Variants in KCNIP4 observed in about 807,000 individuals in gnomAD.
The protein encoded by KCNIP4 is potassium voltage-gated channel interacting protein 4.
In KCNIP4, 12 loss-of-function variants were observed where a neutral mutation model predicts 34.0. That is an observed-to-expected ratio of 0.35 (90% CI 0.23 to 0.57). KCNIP4 has a LOEUF of 0.57. Ranked by LOEUF, KCNIP4 falls within the 20% of genes least tolerant of loss-of-function variation. The probability of loss-of-function intolerance (pLI) is 0.83; values close to 1 mark genes in which losing one functional copy is unlikely to be tolerated. For missense variants in KCNIP4, 238 were observed against 311.7 expected (o/e 0.76, Z 1.78); for synonymous variants, 124 against 102.2 (o/e 1.21, Z -1.29).
At chr4:21,095,957 T>C (rs762301136) in intron 1 of KCNIP4, among the ~76,000 whole-genome samples, 8 of 152,192 alleles carry the variant, frequency 5.3e-5, no homozygotes, top group Non-Finnish European at 1.2e-4. Context: ...CAAATCCTAA[T>C]ACATAATGTA....
At chr4:21,345,600 G>A (rs151053065) in intron 1 of KCNIP4, among the ~76,000 whole-genome samples, 4 of 152,216 alleles carry the variant, frequency 2.6e-5, no homozygotes, top group East Asian at 1.9e-4. Flanking sequence ...AATTAGAGCT[G>A]TAGAAATAAG....
intron 1 of KCNIP4, among the ~76,000 whole-genome samples, chr4:20,937,222 CTTTTTTTTTTTTTTT>C (rs397992488): frequency 2.2e-5 from 1 of 45,524 alleles, no homozygotes; most frequent in Non-Finnish European, 4.3e-5. Context: ...CCCAAGGAGT[CTTTTTTTTTTTTTTT>C]TTTTTTTTTT....
intron 1 of KCNIP4, among the ~76,000 whole-genome samples, chr4:21,460,432 C>A (rs1014608544): frequency 6.6e-6 from 1 of 151,974 alleles, no homozygotes; most frequent in African/African-American, 2.4e-5. Context: ...ATTGCCATAC[C>A]GAAATACCAT....
At chr4:21,470,525 C>T (rs531528083) in intron 1 of KCNIP4, among the ~76,000 whole-genome samples, 1 of 152,262 alleles carries the variant, frequency 6.6e-6, no homozygotes, top group East Asian at 1.9e-4. Flanking sequence ...AGGTTGTGTA[C>T]AGTGCAGCCA....
intron 1 of KCNIP4, among the ~76,000 whole-genome samples, chr4:20,923,384 T>G (rs1729592639): frequency 6.6e-6 from 1 of 152,202 alleles, no homozygotes. Flanking sequence ...TTTCTTGTCA[T>G]TTTTTTCTGT....
At chr4:21,443,037 C>A (rs947448605) in intron 1 of KCNIP4, among the ~76,000 whole-genome samples, 1 of 152,190 alleles carries the variant, frequency 6.6e-6, no homozygotes, top group Admixed American at 6.5e-5. Flanking sequence ...CTCTCACAAC[C>A]CATATCCAAT....
At chr4:21,423,490 T>C (rs1725666459) in intron 1 of KCNIP4, among the ~76,000 whole-genome samples, 1 of 152,206 alleles carries the variant, frequency 6.6e-6, no homozygotes, top group Non-Finnish European at 1.5e-5. Flanking sequence ...GAAGCTGCCT[T>C]CTATACATTT....
chr4:21,068,346 T>C (rs1175461216), intron 1 of KCNIP4, among the ~76,000 whole-genome samples: 1 of 152,216 alleles, frequency 6.6e-6, no homozygotes, highest in African/African-American at 2.4e-5. Context: ...TTTGAACTCA[T>C]AAAGTTTATC....
intron 1 of KCNIP4, among the ~76,000 whole-genome samples, chr4:21,565,515 G>T (rs1451617572): frequency 6.6e-6 from 1 of 152,046 alleles, no homozygotes; most frequent in African/African-American, 2.4e-5. Context: ...ATAAATATGT[G>T]AACTATTTAG....
At chr4:21,536,636 C>T (rs1302373668) in intron 1 of KCNIP4, among the ~76,000 whole-genome samples, 2 of 151,910 alleles carry the variant, frequency 1.3e-5, no homozygotes, top group Admixed American at 6.6e-5. Flanking sequence ...AAAAATATAG[C>T]TGGGTGTGGT....
At chr4:21,305,174 AG>A (rs1712315247) in intron 1 of KCNIP4, among the ~76,000 whole-genome samples, 1 of 152,208 alleles carries the variant, frequency 6.6e-6, no homozygotes, top group South Asian at 2.1e-4. Context: ...TGAGGACTGA[AG>A]AGAGCAAAAG....
intron 1 of KCNIP4, among the ~76,000 whole-genome samples, chr4:21,895,551 A>G (rs1543101): frequency 0.96 from 145,687 of 152,224 alleles, 70,004 homozygotes; most frequent in South Asian, 1. Context: ...TAGGATCACC[A>G]CAAGAATTAA....
chr4:20,778,156 T>C (rs924369857), intron 3 of KCNIP4, among the ~76,000 whole-genome samples: 1 of 152,200 alleles, frequency 6.6e-6, no homozygotes, highest in Admixed American at 6.5e-5. Context: ...GTTAGTAGCA[T>C]AGACTCTGAA....
At chr4:21,176,892 C>T (rs868332055) in intron 1 of KCNIP4, among the ~76,000 whole-genome samples, 2 of 152,230 alleles carry the variant, frequency 1.3e-5, no homozygotes, top group Non-Finnish European at 2.9e-5. Context: ...TCCTCAGAGC[C>T]TGCTTTCAAA....
At chr4:21,124,662 G>A (rs761426343) in intron 1 of KCNIP4, among the ~76,000 whole-genome samples, 6 of 152,122 alleles carry the variant, frequency 3.9e-5, no homozygotes, top group Admixed American at 6.5e-5. Flanking sequence ...AAAAGAAGGG[G>A]GGTCTTTGTG....
At chr4:21,093,022 C>T (rs1478479300) in intron 1 of KCNIP4, among the ~76,000 whole-genome samples, 6 of 152,158 alleles carry the variant, frequency 3.9e-5, no homozygotes. Flanking sequence ...TGAGACAGTG[C>T]TATACATAAA....
intron 1 of KCNIP4, among the ~76,000 whole-genome samples, chr4:21,512,083 A>G (rs962496204): frequency 7.8e-6 from 1 of 128,008 alleles, no homozygotes; most frequent in Non-Finnish European, 1.7e-5. Context: ...GAAAGAAGGA[A>G]GGAAGGAGGG....
chr4:21,744,969 T>C (rs1453947978), intron 1 of KCNIP4, among the ~76,000 whole-genome samples: 1 of 152,198 alleles, frequency 6.6e-6, no homozygotes, highest in Non-Finnish European at 1.5e-5. Context: ...TAGATAATTT[T>C]ATCTCACAAG....
At position 21,874,771 on chromosome 4, in the gene KCNIP4, T is replaced by C. The variant is rs192877881; in HGVS notation, c.61+73800A>G. Among the ~76,000 whole-genome samples the C allele has an allele frequency of 1.6e-3, 247 of 152,344 alleles. 1 individual carries two copies. The highest frequency in any genetic ancestry group is 2.0e-3 in the Non-Finnish European group (138 of 68,032). On this transcript the variant is annotated intron_variant, in intron 1 of 8. Coordinates refer to ENST00000382152, the MANE Select transcript of KCNIP4 (RefSeq NM_025221.6). ...GGATTCTAATTTATATAAATACATA[T>C]CACAACATTTAGCATTCTTTTTACT...
Sources: gnomAD v4.1 joint callset for allele counts (sites outside exome capture counted in the v4.1 genomes callset) on GRCh38, gnomAD v4.1.1 for gene constraint, MANE v1.5 for transcripts, NCBI Gene and HGNC (gene_info 2026-07-23, HGNC 2026-07-21) for gene names.